The following CLASP1 variants were observed in gnomAD, a reference collection of about 807,000 sequenced individuals.
CLASP1 encodes cytoplasmic linker associated protein 1, also known as CLIP-associating protein 1.
In CLASP1, 38 loss-of-function variants were observed where a neutral mutation model predicts 192.3. That is an observed-to-expected ratio of 0.20 (90% CI 0.15 to 0.26). The LOEUF (loss-of-function observed/expected upper bound fraction) is 0.26, where lower values mean the gene tolerates loss of function less well. CLASP1 is among the 10% of genes least tolerant of loss of function. The pLI is 1.00. For missense variants in CLASP1, 1,433 were observed against 1,932.5 expected (o/e 0.74, Z 4.85); for synonymous variants, 691 against 712.8 (o/e 0.97, Z 0.49).
rs1243547933 is a variant in CLASP1 at position 121,347,569 on chromosome 2, A to T, written c.4414-415T>A. Among the ~76,000 whole-genome samples the T allele has an allele frequency of 3.3e-5, 5 of 152,206 alleles. No homozygotes were observed. In the East Asian group the frequency reaches 5.8e-4, roughly 18 times the overall value. On this transcript the variant is annotated intron_variant, in intron 38 of 39. Coordinates refer to ENST00000263710, the Ensembl canonical transcript of CLASP1. ...TGAAAATGCCTTTAAAGAAATGAGA[A>T]CATCATCACTCGCTCTTGTGAGCAA...
At chr2:121,547,678 C>G (rs954730974) in intron 2 of CLASP1, among the ~76,000 whole-genome samples, 2 of 152,066 alleles carry the variant, frequency 1.3e-5, no homozygotes, top group Non-Finnish European at 2.9e-5. Flanking sequence ...GGAGAGAAAC[C>G]CACGCTTTTT....
At chr2:121,559,743 T>C (rs966967250) in intron 2 of CLASP1, among the ~76,000 whole-genome samples, 5 of 152,152 alleles carry the variant, frequency 3.3e-5, no homozygotes, top group African/African-American at 1.2e-4. Context: ...TTTAATACAA[T>C]GAAAATCTTC....
At chr2:121,385,115 G>C (rs1033738861) in intron 32 of CLASP1, among the ~76,000 whole-genome samples, 5 of 152,142 alleles carry the variant, frequency 3.3e-5, no homozygotes, top group African/African-American at 1.2e-4. Flanking sequence ...TCTATTTAGT[G>C]CAATAATTCA....
chr2:121,447,846 A>C (rs2084654129), intron 18 of CLASP1, among the ~76,000 whole-genome samples: 1 of 152,208 alleles, frequency 6.6e-6, no homozygotes, highest in Admixed American at 6.5e-5. Flanking sequence ...TCATGAAATG[A>C]CATAACTGTG....
chr2:121,363,305 A>G lies in CLASP1; in HGVS notation c.4078-5T>C. The G allele has an allele frequency of 6.2e-7, 1 of 1,613,628 alleles. No homozygotes were observed. The highest frequency in any genetic ancestry group is 2.2e-5 in the East Asian group (1 of 44,884). Reference sequence around the variant, plus strand: ...CGCCAGTGCTCGAATTGAATGCTAGAATACAAAGGGAAAGGAAGACATCAC... The same window carrying G: ...CGCCAGTGCTCGAATTGAATGCTAGGATACAAAGGGAAAGGAAGACATCAC... On this transcript the variant is annotated splice_region_variant and splice_polypyrimidine_tract_variant and intron_variant, in intron 36 of 39. Transcript: ENST00000263710.
intron 8 of CLASP1, among the ~76,000 whole-genome samples, chr2:121,494,486 G>T (rs996001025): frequency 1.7e-4 from 26 of 152,066 alleles, no homozygotes; most frequent in Admixed American, 1.6e-3. Context: ...AGTGGGGATG[G>T]TTAAAGGGTA....
intron 26 of CLASP1, chr2:121,402,640 A>G: frequency 1.9e-6 from 1 of 518,974 alleles, no homozygotes; most frequent in South Asian, 1.4e-5. Flanking sequence ...CTTTATCCTC[A>G]CATTCTGCTT....
At chr2:121,647,268 T>C (rs1341185625) in intron 1 of CLASP1, among the ~76,000 whole-genome samples, 1 of 152,090 alleles carries the variant, frequency 6.6e-6, no homozygotes, top group Non-Finnish European at 1.5e-5. Context: ...CTCAGGCGGC[T>C]GAGGCAGGAG....
intron 1 of CLASP1, among the ~76,000 whole-genome samples, chr2:121,606,392 T>C (rs1330959466): frequency 6.6e-6 from 1 of 152,184 alleles, no homozygotes; most frequent in East Asian, 1.9e-4. Context: ...GAAGAGCCAA[T>C]GAGCCACACA....
chr2:121,340,917 C>T (rs1263039758), exon 40 of CLASP1: 1 of 1,610,176 alleles, frequency 6.2e-7, no homozygotes, highest in Non-Finnish European at 8.5e-7. Flanking sequence ...GTGGTCTGGG[C>T]CCTCTTTATG....
At chr2:121,506,793 T>C (rs2093961010) in intron 7 of CLASP1, among the ~76,000 whole-genome samples, 1 of 152,188 alleles carries the variant, frequency 6.6e-6, no homozygotes, top group Non-Finnish European at 1.5e-5. Flanking sequence ...TCAACATGTT[T>C]AAGGAAATCT....
intron 8 of CLASP1, among the ~76,000 whole-genome samples, chr2:121,498,112 G>A (rs992557032): frequency 1.3e-5 from 2 of 152,122 alleles, no homozygotes; most frequent in African/African-American, 2.4e-5. Flanking sequence ...TGCCTGCCTC[G>A]GCCTCCCAAA....
chr2:121,445,563 T>A, intron 19 of CLASP1: 1 of 886,826 alleles, frequency 1.1e-6, no homozygotes, highest in Non-Finnish European at 1.6e-6. Context: ...TGTGTCAACC[T>A]AGGTAGCAAC....
At chr2:121,575,957 C>G (rs891311251) in intron 2 of CLASP1, among the ~76,000 whole-genome samples, 1 of 152,182 alleles carries the variant, frequency 6.6e-6, no homozygotes, top group African/African-American at 2.4e-5. Flanking sequence ...AAATGACTTA[C>G]GTAGCTAAGA....
chr2:121,401,453 A>C, intron 28 of CLASP1, 56 bp downstream of exon 29: 1 of 1,420,670 alleles, frequency 7.0e-7, no homozygotes, highest in Admixed American at 2.1e-5. Flanking sequence ...GAATGGCAAA[A>C]AGTCACTTAC....
chr2:121,578,446 A>AGG (rs1559664868), intron 2 of CLASP1, among the ~76,000 whole-genome samples: 12 of 119,002 alleles, frequency 1.0e-4, no homozygotes, highest in African/African-American at 3.4e-4. Flanking sequence ...AAAAAAAAAA[A>AGG]GGGCCAGGTG....
At chr2:121,451,649 T>A in intron 15 of CLASP1, 141 bp downstream of exon 15, 1 of 645,324 alleles carries the variant, frequency 1.5e-6, no homozygotes, top group African/African-American at 1.8e-5. Flanking sequence ...GTGGCCAACA[T>A]CAGTAAAACA....
chr2:121,366,428 A>C (rs2067422387), intron 35 of CLASP1, among the ~76,000 whole-genome samples: 2 of 152,206 alleles, frequency 1.3e-5, no homozygotes, highest in Non-Finnish European at 1.5e-5. Context: ...TTCTGCTTTC[A>C]AACAGAGAAC....
intron 35 of CLASP1, among the ~76,000 whole-genome samples, chr2:121,365,891 G>A (rs1239766197): frequency 6.6e-6 from 1 of 152,194 alleles, no homozygotes; most frequent in Non-Finnish European, 1.5e-5. Context: ...ATAGTTACCT[G>A]CAGGGCTGTG....
Sources: allele counts gnomAD v4.1 joint callset (sites outside exome capture counted in the v4.1 genomes callset), GRCh38; gene constraint gnomAD v4.1.1; transcripts MANE v1.5; gene names NCBI Gene and HGNC (gene_info 2026-07-23, HGNC 2026-07-21).